ADAMTS18: variants seen among roughly 807,000 people sequenced by gnomAD.
ADAMTS18 encodes the protein ADAM metallopeptidase with thrombospondin type 1 motif 18.
In ADAMTS18, 157 loss-of-function variants were observed where a neutral mutation model predicts 165.9. The ratio of observed to expected loss-of-function variants is 0.95; its 90% CI spans 0.83 to 1.08. ADAMTS18 has a LOEUF of 1.08. ADAMTS18 is among the 50% of genes least tolerant of loss of function. The pLI is 0.00. For missense variants in ADAMTS18, 2,040 were observed against 1,534.0 expected (o/e 1.33, Z -5.51); for synonymous variants, 782 against 578.2 (o/e 1.35, Z -5.06).
chr16:77,392,553 C>T (rs1174480302), intron 3 of ADAMTS18, among the ~76,000 whole-genome samples: 1 of 152,192 alleles, frequency 6.6e-6, no homozygotes, highest in African/African-American at 2.4e-5. Flanking sequence ...CCCTGCTTCA[C>T]TTTCCTTCAT....
chr16:77,344,770 G>C (rs2056451072), intron 10 of ADAMTS18, among the ~76,000 whole-genome samples: 1 of 151,994 alleles, frequency 6.6e-6, no homozygotes, highest in Non-Finnish European at 1.5e-5. Context: ...GGATTCCAGA[G>C]TGAAATAAGA....
intron 3 of ADAMTS18, among the ~76,000 whole-genome samples, chr16:77,386,950 G>C (rs185056371): frequency 2.0e-5 from 3 of 152,152 alleles, no homozygotes; most frequent in Non-Finnish European, 4.4e-5. Context: ...CTGCAAATGG[G>C]TAAACACTTC....
At chr16:77,347,724 C>A (rs1433365423) in intron 10 of ADAMTS18, among the ~76,000 whole-genome samples, 2 of 152,076 alleles carry the variant, frequency 1.3e-5, no homozygotes, top group African/African-American at 4.8e-5. Flanking sequence ...TTTTGCTCCT[C>A]CCCTCCTTTT....
chr16:77,361,095 A>T (rs78644540), intron 7 of ADAMTS18, among the ~76,000 whole-genome samples: 2 of 33,562 alleles, frequency 6.0e-5, no homozygotes, highest in South Asian at 1.0e-3. Flanking sequence ...TCAAAAAAAT[A>T]AAAAAAATTC....
At position 77,283,206 on chromosome 16, in the gene ADAMTS18, G is replaced by A. The variant is rs192535030; in HGVS notation, c.*750C>T. ...GTTACGAGGTTGATAACATGTGAAG[G>A]GCATCCATATTTATCTTTTCTATGA... is the stretch of plus-strand genomic sequence containing the variant. On this transcript the variant is annotated 3_prime_UTR_variant, in exon 23 of 23. Coordinates refer to ENST00000282849, the MANE Select transcript of ADAMTS18 (RefSeq NM_199355.4). The A allele has an allele frequency of 2.0e-5, 3 of 152,522 alleles. No individual in the cohort carries two copies. The highest frequency in any genetic ancestry group is 7.2e-5 in the African/African-American group (3 of 41,504). 9.4% of individuals were successfully genotyped at this position (152,522 alleles called of 1,614,324 possible).
chr16:77,317,949 CCT>C (rs2055917456), intron 16 of ADAMTS18, among the ~76,000 whole-genome samples: 1 of 152,022 alleles, frequency 6.6e-6, no homozygotes, highest in Non-Finnish European at 1.5e-5. Flanking sequence ...ACCAAAATAC[CCT>C]GAGATGATTG....
At chr16:77,330,594 G>C (rs761501916) in intron 12 of ADAMTS18, among the ~76,000 whole-genome samples, 26 of 152,244 alleles carry the variant, frequency 1.7e-4, no homozygotes, top group Admixed American at 4.6e-4. Flanking sequence ...CATTGGGAAG[G>C]TCCCTGAGGC....
At chr16:77,343,318 C>A (rs1471206746) in intron 10 of ADAMTS18, among the ~76,000 whole-genome samples, 1 of 152,202 alleles carries the variant, frequency 6.6e-6, no homozygotes, top group Non-Finnish European at 1.5e-5. Context: ...AGGTGATCTG[C>A]CCGCCTTGGC....
At chr16:77,400,809 C>T (rs569432962) in intron 3 of ADAMTS18, among the ~76,000 whole-genome samples, 1 of 151,980 alleles carries the variant, frequency 6.6e-6, no homozygotes, top group African/African-American at 2.4e-5. Context: ...ATTTAACTCA[C>T]AGTGCCCTCA....
chr16:77,388,157 T>A (rs2057135570), intron 3 of ADAMTS18, among the ~76,000 whole-genome samples: 1 of 152,222 alleles, frequency 6.6e-6, no homozygotes, highest in Non-Finnish European at 1.5e-5. Flanking sequence ...TGGAGTGCAG[T>A]GGCACCATCT....
At chr16:77,325,736 C>A in intron 13 of ADAMTS18, 130 bp downstream of exon 13, 1 of 925,886 alleles carries the variant, frequency 1.1e-6, no homozygotes, top group Non-Finnish European at 1.6e-6. Flanking sequence ...AAACACTGAG[C>A]CAGGATGGGT....
At chr16:77,387,542 A>C (rs1178165433) in intron 3 of ADAMTS18, among the ~76,000 whole-genome samples, 1 of 152,150 alleles carries the variant, frequency 6.6e-6, no homozygotes, top group Admixed American at 6.6e-5. Flanking sequence ...CTTCACTGCA[A>C]ATTACTCCAT....
rs1567506716 is a variant in ADAMTS18 at position 77,353,808 on chromosome 16, C to A, written c.1539G>T (p.Gln513His). The A allele has an allele frequency of 3.7e-6, 6 of 1,614,170 alleles. No homozygotes were observed. Among genetic ancestry groups the A allele is most frequent in the Non-Finnish European group, 5.1e-6 (6 of 1,180,026 alleles). ...TACACTGTGTGTCAGCATCATAAAT[C>A]TGTCCTGGTAGTTTGTCCGGATATT... ...QYKYPDKLPG[Q>H]IYDADTQCKW... Residue 513 changes from glutamine (Q) to histidine (H), a missense_variant, in exon 10 of 23, where the codon CAG becomes CAT. Coordinates refer to ENST00000282849, the MANE Select transcript of ADAMTS18 (RefSeq NM_199355.4).
In ADAMTS18 at chr16:77,362,254, A is replaced by C; in HGVS notation, c.1067T>G (p.Leu356Trp). The change falls in exon 7 of 23, where the codon TTG becomes TGG. Residue 356 changes from leucine (L) to tryptophan (W), a missense_variant. Physicochemically the swap from Leu to Trp is moderately conservative, Grantham distance 61. Transcript: ENST00000282849. ...ILLEQEPGGLLINHHADQSLN... is the reference protein window; with the variant it reads ...ILLEQEPGGLWINHHADQSLN... ...AGACTGGTCTGCATGATGGTTGATC[A>C]ATAATCCTCCCTATGGGAAACCCAC... The C allele has an allele frequency of 6.2e-7, 1 of 1,614,156 alleles. No homozygotes were observed. Among genetic ancestry groups the C allele is most frequent in the Non-Finnish European group, 8.5e-7 (1 of 1,180,010 alleles).
Position 77,319,434 on chromosome 16 carries a change from G to C in ADAMTS18, c.2532+415C>G, listed in dbSNP as rs148061183. On this transcript the variant is annotated intron_variant, in intron 16 of 22. Transcript: ENST00000282849. ...TACACTTTGAAATTTAGCCTATTAG[G>C]AAACACCTTTTGTTGTTGTTGTTGT... Among the ~76,000 whole-genome samples the C allele has an allele frequency of 6.0e-4, 92 of 152,116 alleles. 2 individuals are homozygous for C. In the East Asian group the frequency reaches 0.018, roughly 29 times the overall value.
chr16:77,317,372 T>G (rs1315588901), intron 16 of ADAMTS18, among the ~76,000 whole-genome samples: 1 of 152,094 alleles, frequency 6.6e-6, no homozygotes, highest in African/African-American at 2.4e-5. Flanking sequence ...CTCACTCTTT[T>G]GCCCAGGCTA....
chr16:77,402,253 T>C (rs2057341172), intron 3 of ADAMTS18, among the ~76,000 whole-genome samples: 1 of 152,228 alleles, frequency 6.6e-6, no homozygotes, highest in African/African-American at 2.4e-5. Flanking sequence ...AGTTTCCTGC[T>C]GCAGCACAAA....
chr16:77,427,523 G>A (rs537591260), intron 3 of ADAMTS18, among the ~76,000 whole-genome samples: 3 of 152,264 alleles, frequency 2.0e-5, no homozygotes, highest in South Asian at 2.1e-4. Flanking sequence ...ATTAGATTAG[G>A]TTAATCTGTA....
chr16:77,411,588 G>C (rs917346053), intron 3 of ADAMTS18, among the ~76,000 whole-genome samples: 4 of 151,694 alleles, frequency 2.6e-5, no homozygotes, highest in Admixed American at 2.6e-4. Context: ...TTATGAAGAG[G>C]TGCAAAGTCA....
Sources: gnomAD v4.1 joint callset for allele counts (sites outside exome capture counted in the v4.1 genomes callset) on GRCh38, gnomAD v4.1.1 for gene constraint, MANE v1.5 for transcripts, NCBI Gene and HGNC (gene_info 2026-07-23, HGNC 2026-07-21) for gene names.